VPS13C: variants seen among roughly 807,000 people sequenced by gnomAD.
VPS13C encodes the protein vacuolar protein sorting 13 homolog C, also known as intermembrane lipid transfer protein VPS13C.
VPS13C carries 358 observed loss-of-function variants against 456.8 expected under a neutral mutation model. The observed-to-expected ratio is 0.78, with a 90% CI of 0.72 to 0.86. VPS13C has a LOEUF of 0.86. Ranked by LOEUF, VPS13C falls within the 40% of genes least tolerant of loss-of-function variation. VPS13C has a pLI of 0.00. For synonymous variants in VPS13C, 1,578 were observed against 1,486.7 expected (o/e 1.06, Z -1.41); for missense variants, 4,818 against 4,385.4 (o/e 1.10, Z -2.79).
chr15:62,010,353 T>C, intron 13 of VPS13C, 119 bp downstream of exon 13: 1 of 1,137,132 alleles, frequency 8.8e-7, no homozygotes, highest in Non-Finnish European at 1.2e-6. Context: ...TTTTAAACAG[T>C]CAAATCTCAA....
At chr15:62,006,138 T>C (rs895208495) in intron 15 of VPS13C, among the ~76,000 whole-genome samples, 1 of 151,924 alleles carries the variant, frequency 6.6e-6, no homozygotes, top group Non-Finnish European at 1.5e-5. Context: ...AGTTCTAGGG[T>C]ACATGCGCAC....
chr15:61,857,699 A>G (rs546758680), intron 82 of VPS13C, among the ~76,000 whole-genome samples: 1 of 152,298 alleles, frequency 6.6e-6, no homozygotes, highest in East Asian at 1.9e-4. Context: ...GGCAATAGAC[A>G]ATCAAGGTAG....
intron 43 of VPS13C, 49 bp downstream of exon 43, chr15:61,947,144 T>C (rs549204840): frequency 2.4e-6 from 3 of 1,236,412 alleles, no homozygotes; most frequent in African/African-American, 3.1e-5. Flanking sequence ...TCATTTTTCC[T>C]AGTTATGTAA....
At chr15:61,870,315 T>C (rs1052920567) in intron 79 of VPS13C, among the ~76,000 whole-genome samples, 1 of 152,110 alleles carries the variant, frequency 6.6e-6, no homozygotes, top group Non-Finnish European at 1.5e-5. Flanking sequence ...GGTAACCACC[T>C]ACAGATACTT....
At chr15:61,969,153 T>TA in intron 28 of VPS13C, 146 bp downstream of exon 28, 1 of 539,912 alleles carries the variant, frequency 1.9e-6, no homozygotes, top group South Asian at 3.0e-5. Context: ...AGCACTGCTA[T>TA]AAGGATTAAA....
At chr15:61,967,724 A>G (rs1384058847) in intron 28 of VPS13C, among the ~76,000 whole-genome samples, 3 of 152,030 alleles carry the variant, frequency 2.0e-5, no homozygotes, top group Admixed American at 1.3e-4. Flanking sequence ...TTTTACTTCT[A>G]TTAAAGAAAT....
intron 9 of VPS13C, among the ~76,000 whole-genome samples, chr15:62,020,201 C>T (rs564126621): frequency 6.6e-6 from 1 of 151,746 alleles, no homozygotes; most frequent in East Asian, 1.9e-4. Context: ...ATTCATCTTC[C>T]CCTACTTCCC....
chr15:62,010,359 C>G lies in VPS13C; in HGVS notation c.1011+113G>C, dbSNP rs754663361. 13 of 1,188,120 alleles carry G rather than the reference C, an allele frequency of 1.1e-5. No individual in the cohort carries two copies. In the African/African-American group the frequency reaches 1.7e-4, roughly 16 times the overall value. 73.6% of individuals were successfully genotyped at this position (1,188,120 alleles called of 1,614,324 possible). A position where few individuals can be genotyped will look rare whatever the true frequency, so the allele number is the denominator to read the frequency against. Reference sequence around the variant, plus strand: ...AACAAAAATTTTTAAACAGTCAAATCTCAACATAACAAACCCCAAAAAACC... The same window carrying G: ...AACAAAAATTTTTAAACAGTCAAATGTCAACATAACAAACCCCAAAAAACC... On this transcript the variant is annotated intron_variant, in intron 13 of 84. Transcript: ENST00000644861.
At chr15:61,866,729 A>C (rs967988630) in intron 81 of VPS13C, 1 of 985,064 alleles carries the variant, frequency 1.0e-6, no homozygotes, top group African/African-American at 1.7e-5. Context: ...TTTCCTTTGT[A>C]TATCTAGCAC....
At chr15:62,027,255 A>G (rs564650906) in intron 6 of VPS13C, among the ~76,000 whole-genome samples, 113 of 152,122 alleles carry the variant, frequency 7.4e-4, no homozygotes, top group African/African-American at 2.5e-3. Flanking sequence ...TTAAAAAAAA[A>G]CTGAATCAAT....
chr15:61,950,793 G>A, intron 40 of VPS13C, 152 bp downstream of exon 40: 1 of 588,404 alleles, frequency 1.7e-6, no homozygotes, highest in Non-Finnish European at 2.9e-6. Flanking sequence ...GTTAATGAAA[G>A]TATCCAGGAT....
chr15:61,913,159 G>T, intron 62 of VPS13C, 152 bp downstream of exon 62: 1 of 576,928 alleles, frequency 1.7e-6, no homozygotes, highest in East Asian at 3.5e-5. Context: ...AATACCATTT[G>T]ACCCAGCCAT....
At chr15:62,048,947 GTTGT>G (rs1361423463) in intron 1 of VPS13C, among the ~76,000 whole-genome samples, 13 of 151,752 alleles carry the variant, frequency 8.6e-5, no homozygotes, top group Middle Eastern at 3.4e-3. Flanking sequence ...TTTTGATGGG[GTTGT>G]TTGTTTTTTT....
Position 61,991,780 on chromosome 15 carries a change from A to C in VPS13C, c.1376T>G (p.Leu459Ter). ...QVEVIRSGQK[L>*]RKKSADTGEK... Reference sequence around the variant, plus strand: ...GCCTGTGTCAGCAGACTTTTTCCTTAATTTTTGCCCAGACCGAATCACCTG... The same window carrying C: ...GCCTGTGTCAGCAGACTTTTTCCTTCATTTTTGCCCAGACCGAATCACCTG... The change falls in exon 17 of 85, where the codon TTA becomes TGA. Residue 459 changes from leucine to a stop codon, truncating the protein, a stop_gained. Transcript: ENST00000644861. LOFTEE classifies it high-confidence loss of function. 1.9e-6 allele frequency: 3 copies of C among 1,613,028 alleles called. No individual in the cohort carries two copies. Among genetic ancestry groups the C allele is most frequent in the Non-Finnish European group, 2.5e-6 (3 of 1,179,504 alleles).
chr15:62,001,384 C>A (rs891497271), intron 15 of VPS13C, among the ~76,000 whole-genome samples: 2 of 152,188 alleles, frequency 1.3e-5, no homozygotes, highest in African/African-American at 4.8e-5. Flanking sequence ...AATAGGAATT[C>A]AACTCATTTT....
At chr15:62,042,845 A>G (rs1310637850) in intron 2 of VPS13C, among the ~76,000 whole-genome samples, 1 of 151,972 alleles carries the variant, frequency 6.6e-6, no homozygotes, top group African/African-American at 2.4e-5. Flanking sequence ...CAGCACACCA[A>G]CATGGCACAT....
intron 50 of VPS13C, among the ~76,000 whole-genome samples, chr15:61,930,643 G>A (rs1445826806): frequency 6.6e-6 from 1 of 152,188 alleles, no homozygotes; most frequent in Non-Finnish European, 1.5e-5. Context: ...GCTTGATGAT[G>A]TGAATGCGCT....
rs777056043 is a variant in VPS13C at position 61,868,719 on chromosome 15, A to G, written c.10803T>C (p.His3601=). The change falls in exon 81 of 85, where the codon CAT becomes CAC. Residue 3601 remains histidine (H), a synonymous_variant. Transcript: ENST00000644861. ...VSSLRPPRLI[H]EDGIIRPYDR... is the part of the protein sequence containing the mutation. ...CATAAGGACGAATGATGCCATCTTC[A>G]TGGATCAGGCGAGGGGGACGGAGGC... The G allele has an allele frequency of 6.2e-7, 1 of 1,614,138 alleles. No individual in the cohort carries two copies. Among genetic ancestry groups the G allele is most frequent in the South Asian group, 1.1e-5 (1 of 91,074 alleles).
chr15:61,987,462 C>T (rs1319327217), intron 18 of VPS13C, among the ~76,000 whole-genome samples: 1 of 152,180 alleles, frequency 6.6e-6, no homozygotes, highest in East Asian at 1.9e-4. Context: ...TGCAGGGGAA[C>T]TCCCATGTGT....
Sources: allele counts gnomAD v4.1 joint callset (sites outside exome capture counted in the v4.1 genomes callset), GRCh38; gene constraint gnomAD v4.1.1; transcripts MANE v1.5; gene names NCBI Gene and HGNC (gene_info 2026-07-23, HGNC 2026-07-21).